Variants in CELSR1 observed in about 807,000 individuals in gnomAD.
The protein encoded by CELSR1 is cadherin EGF LAG seven-pass G-type receptor 1.
In CELSR1, 110 loss-of-function variants were observed where a neutral mutation model predicts 249.1. That is an observed-to-expected ratio of 0.44 (90% CI 0.38 to 0.52). CELSR1 has a LOEUF of 0.52. Ranked by LOEUF, CELSR1 falls within the 20% of genes least tolerant of loss-of-function variation. The pLI is 0.00. For synonymous variants in CELSR1, 2,113 were observed against 1,900.0 expected, an observed-to-expected ratio of 1.11 and a Z score of -2.92; for missense variants, 4,109 against 4,296.4, an observed-to-expected ratio of 0.96 and a Z score of 1.22.
At chr22:46,470,468 T>C (rs542029270) in intron 1 of CELSR1, among the ~76,000 whole-genome samples, 1 of 151,974 alleles carries the variant, frequency 6.6e-6, no homozygotes, top group Non-Finnish European at 1.5e-5. Context: ...GGACCCATAT[T>C]CTAGGGACAT....
chr22:46,442,392 C>T (rs1374829554), intron 2 of CELSR1, among the ~76,000 whole-genome samples: 1 of 152,228 alleles, frequency 6.6e-6, no homozygotes, highest in Non-Finnish European at 1.5e-5. Context: ...AGGCCATCCC[C>T]GAGGGGCCAT....
At chr22:46,426,157 G>GCCGGGGAGGGGGC (rs1569154727) in intron 5 of CELSR1, among the ~76,000 whole-genome samples, 2 of 151,868 alleles carry the variant, frequency 1.3e-5, no homozygotes, top group African/African-American at 4.8e-5. Flanking sequence ...GGAGGGGGCT[G>GCCGGGGAGGGGGC]AGTGAAGCTG....
At position 46,395,242 on chromosome 22, in the gene CELSR1, C is replaced by G. The variant is rs1273384307; in HGVS notation, c.5844-980G>C. Among the ~76,000 whole-genome samples the G allele has an allele frequency of 1.3e-5, 2 of 152,226 alleles. No individual in the cohort carries two copies. The highest frequency in any genetic ancestry group is 2.4e-5 in the African/African-American group (1 of 41,470). On this transcript the variant is annotated intron_variant, in intron 13 of 34. Coordinates refer to ENST00000674500, the MANE Select transcript of CELSR1 (RefSeq NM_001378328.1). This position sits in a 1 kb window ranked among gnomAD's most constrained non-coding sequence, Gnocchi z 5.5. ...GACTGTGGCGCCGGGCATGGAGATG[C>G]TGGATCAGCCTCTTGGCAACTCCCC...
chr22:46,435,889 G>C (rs6007907), intron 4 of CELSR1, among the ~76,000 whole-genome samples: 5 of 151,642 alleles, frequency 3.3e-5, no homozygotes, highest in Admixed American at 1.3e-4. Context: ...TTAGTACAGA[G>C]GGGGTTTCAC....
rs528462334 is a variant in CELSR1, at chr22:46,398,081, C to A, written c.5527-233G>T. Among the ~76,000 whole-genome samples, 1 of 152,078 alleles carries A rather than the reference C, an allele frequency of 6.6e-6. No individual in the cohort carries two copies. The highest frequency in any genetic ancestry group is 1.5e-5 in the Non-Finnish European group (1 of 67,992). On this transcript the variant is annotated intron_variant, in intron 11 of 34. Transcript: ENST00000674500. The surrounding 1 kb of genome is among the most constrained non-coding windows in gnomAD (Gnocchi z 7.2). Reference sequence around the variant, plus strand: ...CACGCCAGCCTGAGCTCCTGGGGTGCGCGGTGGGGGCGTGAGGAGTGGATG... The same window carrying A: ...CACGCCAGCCTGAGCTCCTGGGGTGAGCGGTGGGGGCGTGAGGAGTGGATG...
At position 46,536,988 on chromosome 22, in the gene CELSR1, C is replaced by T; in HGVS notation, c.183G>A (p.Pro61=). 1.8e-6 allele frequency: 2 copies of T among 1,124,548 alleles called. No individual in the cohort carries two copies. Among genetic ancestry groups the T allele is most frequent in the Non-Finnish European group, 2.2e-6 (2 of 921,298 alleles). The allele number at this position is 1,124,548 out of a possible 1,614,324, so 69.7% of individuals were successfully genotyped here. The change falls in exon 1 of 35, where the codon CCG becomes CCA. Residue 61 remains proline (P), a synonymous_variant. Transcript: ENST00000674500. ...AVGAACTPRA[P]RELLDVGRDG... is the part of the protein sequence containing the mutation. ...CGCGGCCCACGTCCAGCAGCTCCCGCGGCGCCCGGGGCGTGCAAGCGGCGC... is the reference window on the plus strand; with the variant it reads ...CGCGGCCCACGTCCAGCAGCTCCCGTGGCGCCCGGGGCGTGCAAGCGGCGC...
rs1285663836 is a variant in CELSR1, at chr22:46,412,860, C to G, written c.4612-1101G>C. On this transcript the variant is annotated intron_variant, in intron 5 of 34. Transcript: ENST00000674500. This position sits in a 1 kb window ranked among gnomAD's most constrained non-coding sequence, Gnocchi z 4.5. ...TCTTTCATCTGCACAACCTGGATAA[C>G]AAGACCTACATCCCACAGGTGGCCG... Among the ~76,000 whole-genome samples the G allele has an allele frequency of 1.3e-5, 2 of 152,210 alleles. No homozygotes were observed. The highest frequency in any genetic ancestry group is 2.9e-5 in the Non-Finnish European group (2 of 68,034).
intron 24 of CELSR1, 63 bp from the exon 25 acceptor site, chr22:46,373,120 G>A: frequency 6.8e-7 from 1 of 1,481,116 alleles, no homozygotes; most frequent in Non-Finnish European, 9.0e-7. Flanking sequence ...AGACAGGCAT[G>A]AGTGAGGGGT....
Position 46,391,357 on chromosome 22 carries a change from G to A in CELSR1, c.6149-70C>T. The A allele has an allele frequency of 7.4e-7, 1 of 1,359,174 alleles. No individual in the cohort carries two copies. Among genetic ancestry groups the A allele is most frequent in the Non-Finnish European group, 1.0e-6 (1 of 965,846 alleles). The allele number at this position is 1,359,174 out of a possible 1,614,324, so 84.2% of individuals were successfully genotyped here. A position where few individuals can be genotyped will look rare whatever the true frequency, so the allele number is the denominator to read the frequency against. ...CCCACGACCACAAACAGGCACCACT[G>A]TCTGCATGCGCCTCCCTGCAGGAGG... On this transcript the variant is annotated intron_variant, in intron 15 of 34. Coordinates refer to ENST00000674500, the MANE Select transcript of CELSR1 (RefSeq NM_001378328.1). This position sits in a 1 kb window ranked among gnomAD's most constrained non-coding sequence, Gnocchi z 4.3.
rs889138652 is a variant in CELSR1 at position 46,423,186 on chromosome 22, G to A, written c.4611+10207C>T. Among the ~76,000 whole-genome samples, 2 of 152,238 alleles carry A rather than the reference G, an allele frequency of 1.3e-5. No individual in the cohort carries two copies. Among genetic ancestry groups the A allele is most frequent in the Non-Finnish European group, 2.9e-5 (2 of 68,040 alleles). The stretch of plus-strand genomic sequence containing the variant: ...AGGGTGGCCTGCTGGAAGATGAGAG[G>A]CCCCAGCTGCCATGGCTAACGGCCA... On this transcript the variant is annotated intron_variant, in intron 5 of 34. Coordinates refer to ENST00000674500, the MANE Select transcript of CELSR1 (RefSeq NM_001378328.1). This position sits in a 1 kb window ranked among gnomAD's most constrained non-coding sequence, Gnocchi z 5.6.
At chr22:46,495,170 C>G (rs1012530276) in intron 1 of CELSR1, among the ~76,000 whole-genome samples, 1 of 152,196 alleles carries the variant, frequency 6.6e-6, no homozygotes, top group Admixed American at 6.5e-5. Flanking sequence ...TGTAGTATAA[C>G]TGACTGCTTC....
At chr22:46,439,595 G>A (rs1204188056) in intron 2 of CELSR1, among the ~76,000 whole-genome samples, 184 bp from the exon 3 acceptor site, 2 of 152,178 alleles carry the variant, frequency 1.3e-5, no homozygotes, top group Non-Finnish European at 2.9e-5. Flanking sequence ...GACTTGCCCA[G>A]AGCCGTGCCA....
Position 46,411,656 on chromosome 22 carries a change from T to C in CELSR1, c.4715A>G (p.Lys1572Arg). ...CDTTMAVRFG[K>R]DIGNYSCAAQ... is the part of the protein sequence containing the mutation. Reference sequence around the variant, plus strand: ...AGCGCAGCTGTAGTTCCCGATGTCCTTTCCAAAGCGCACAGCCATGGTTGT... The same window carrying C: ...AGCGCAGCTGTAGTTCCCGATGTCCCTTCCAAAGCGCACAGCCATGGTTGT... Residue 1572 changes from lysine to arginine, a missense_variant, in exon 6 of 35, where the codon AAG becomes AGG. By Grantham distance (26) the Lys-to-Arg change is conservative. This residue lies in a region of CELSR1 where 453 missense variants were observed against 492.0 expected (regional missense o/e 0.92). Coordinates refer to ENST00000674500, the MANE Select transcript of CELSR1 (RefSeq NM_001378328.1). This position sits in a 1 kb window ranked among gnomAD's most constrained non-coding sequence, Gnocchi z 4.2. 8.7e-6 allele frequency: 14 copies of C among 1,614,220 alleles called. No individual in the cohort carries two copies. Among genetic ancestry groups the C allele is most frequent in the South Asian group, 3.3e-5 (3 of 91,086 alleles).
In CELSR1 at chr22:46,464,894, C is replaced by T. The variant is rs990551489; in HGVS notation, c.3545-549G>A. ...GGTCCTGCCCAGGCGACATCCCCAC[C>T]GACGTGCTGTGCTGAGGGTCCCACT... On this transcript the variant is annotated intron_variant, in intron 1 of 34. Coordinates refer to ENST00000674500, the MANE Select transcript of CELSR1 (RefSeq NM_001378328.1). This position sits in a 1 kb window ranked among gnomAD's most constrained non-coding sequence, Gnocchi z 8.5. Among the ~76,000 whole-genome samples the T allele has an allele frequency of 6.6e-6, 1 of 152,174 alleles. No individual in the cohort carries two copies. Among genetic ancestry groups the T allele is most frequent in the Non-Finnish European group, 1.5e-5 (1 of 68,028 alleles).
chr22:46,418,956 T>C (rs2079434475), intron 5 of CELSR1, among the ~76,000 whole-genome samples: 2 of 152,242 alleles, frequency 1.3e-5, no homozygotes, highest in Non-Finnish European at 2.9e-5. Flanking sequence ...AGGAGTCCCC[T>C]GGGCATGCGT....
At position 46,515,414 on chromosome 22, in the gene CELSR1, C is replaced by T. The variant is rs569571169; in HGVS notation, c.3544+18213G>A. 4.6e-5 allele frequency among the ~76,000 whole-genome samples: 7 copies of T among 152,358 alleles called. No homozygotes were observed. The South Asian group carries it at 6.2e-4, about 14-fold the overall frequency. On this transcript the variant is annotated intron_variant, in intron 1 of 34. Transcript: ENST00000674500. The stretch of plus-strand genomic sequence containing the variant: ...GTAGGAAGGTTTGCACATGTTTCAT[C>T]AGGGTAAAGGGAAAGAGGCTCACCT...
chr22:46,423,219 T>C lies in CELSR1; in HGVS notation c.4611+10174A>G, dbSNP rs990942828. ...TGCCATGGCTAACGGCCAGGTCATA[T>C]GAGTGAGGCCTTCACACAGCCCTGG... is the stretch of plus-strand genomic sequence containing the variant. On this transcript the variant is annotated intron_variant, in intron 5 of 34. Coordinates refer to ENST00000674500, the MANE Select transcript of CELSR1 (RefSeq NM_001378328.1). This position sits in a 1 kb window ranked among gnomAD's most constrained non-coding sequence, Gnocchi z 5.6. 2.0e-5 allele frequency among the ~76,000 whole-genome samples: 3 copies of C among 152,254 alleles called. No homozygotes were observed. Among genetic ancestry groups the C allele is most frequent in the South Asian group, 2.1e-4 (1 of 4,830 alleles).
Position 46,363,659 on chromosome 22 carries a change from C to T in CELSR1, c.9035+337G>A, listed in dbSNP as rs1300077434. The T allele has an allele frequency of 7.7e-6, 3 of 391,480 alleles. No homozygotes were observed. Among genetic ancestry groups the T allele is most frequent in the Non-Finnish European group, 1.4e-5 (3 of 217,114 alleles). The allele number at this position is 391,480 out of a possible 1,614,324, so 24.3% of individuals were successfully genotyped here. Reference sequence around the variant, plus strand: ...GGCATTCCGGGACCCTCAGTATCCTCAACTGCAAGGTGGGTGGCAGTGGTC... The same window carrying T: ...GGCATTCCGGGACCCTCAGTATCCTTAACTGCAAGGTGGGTGGCAGTGGTC... On this transcript the variant is annotated intron_variant, in intron 34 of 34. Coordinates refer to ENST00000674500, the MANE Select transcript of CELSR1 (RefSeq NM_001378328.1). This position sits in a 1 kb window ranked among gnomAD's most constrained non-coding sequence, Gnocchi z 4.3.
intron 2 of CELSR1, among the ~76,000 whole-genome samples, chr22:46,451,689 G>A (rs1454799396): frequency 6.6e-6 from 1 of 152,182 alleles, no homozygotes; most frequent in Non-Finnish European, 1.5e-5. Flanking sequence ...CGATGGAGGA[G>A]AGACTAGGAA....
Sources: allele counts gnomAD v4.1 joint callset (sites outside exome capture counted in the v4.1 genomes callset), GRCh38; gene constraint gnomAD v4.1.1; regional missense constraint gnomAD v4.1.1; non-coding constraint Gnocchi (gnomAD v3.1); transcripts MANE v1.5; gene names NCBI Gene and HGNC (gene_info 2026-07-23, HGNC 2026-07-21).